Variants in FBN3 observed in about 807,000 individuals in gnomAD.
FBN3 encodes fibrillin-3.
FBN3 carries 234 observed loss-of-function variants against 330.1 expected under a neutral mutation model. That is an observed-to-expected ratio of 0.71 (90% CI 0.64 to 0.79). FBN3 has a LOEUF of 0.79. Among genes scored for constraint, FBN3 ranks in the 30% least tolerant of loss-of-function variants. The pLI is 0.00. For synonymous variants in FBN3, 1,458 were observed against 1,517.3 expected, an observed-to-expected ratio of 0.96 and a Z score of 0.91; for missense variants, 3,606 against 3,886.9, an observed-to-expected ratio of 0.93 and a Z score of 1.92.
In FBN3 at chr19:8,123,466, G is replaced by A. The variant is rs200917020; in HGVS notation, c.3080C>T (p.Thr1027Ile). ...FALDAQERNCTDIDECRISPD... is the reference protein window; with the variant it reads ...FALDAQERNCIDIDECRISPD... ...CAAGAGGCAGAGGTGGCACCTACCT[G>A]TGCAGTTCCGTTCCTGGGCATCCAG... Residue 1027 changes from threonine (T) to isoleucine (I), a missense_variant and splice_region_variant, in exon 24 of 64, where the codon ACA becomes ATA. Transcript: ENST00000600128. 2.5e-6 allele frequency: 4 copies of A among 1,613,596 alleles called. No homozygotes were observed. Among genetic ancestry groups the A allele is most frequent in the Middle Eastern group, 1.7e-4 (1 of 6,058 alleles).
rs1338479182 is a variant in FBN3 at position 8,126,196 on chromosome 19, G to T, written c.2605+101C>A. The stretch of plus-strand genomic sequence containing the variant: ...GAGAACGTCTGTCCCCATCGCAAAA[G>T]ACTCCAGGGCGGGGCCGGAGGTGGC... On this transcript the variant is annotated intron_variant, in intron 21 of 63. Coordinates refer to ENST00000600128, the MANE Select transcript of FBN3 (RefSeq NM_032447.5). 4 of 1,448,518 alleles carry T rather than the reference G, an allele frequency of 2.8e-6. No individual in the cohort carries two copies. In the East Asian group the frequency reaches 9.5e-5, roughly 34 times the overall value. The allele number at this position is 1,448,518 out of a possible 1,614,324, so 89.7% of individuals were successfully genotyped here.
At chr19:8,115,663 G>T in intron 29 of FBN3, 23 bp from the exon 30 acceptor site, 1 of 1,613,098 alleles carries the variant, frequency 6.2e-7, no homozygotes, top group Non-Finnish European at 8.5e-7. Flanking sequence ...AGAGCATGAG[G>T]TCTGAGGACT....
intron 59 of FBN3, among the ~76,000 whole-genome samples, chr19:8,079,806 T>C (rs2081733465): frequency 6.6e-6 from 1 of 152,112 alleles, no homozygotes; most frequent in African/African-American, 2.4e-5. Flanking sequence ...GCCAGGCTGG[T>C]CTCGAATTCC....
chr19:8,135,935 T>TTGGGGGGGGGGGGGGGGGCGG, intron 13 of FBN3, 26 bp downstream of exon 13: 18 of 1,344,154 alleles, frequency 1.3e-5, no homozygotes, highest in Non-Finnish European at 1.7e-5. Flanking sequence ...CGGAAGCCCC[T>TTGGGGGGGGGGGGGGGGGCGG]GCCCACCCGC....
rs1335047792 is a variant in FBN3, at chr19:8,111,070, G to A, written c.4198C>T (p.Arg1400Trp). The A allele has an allele frequency of 4.3e-6, 7 of 1,612,876 alleles. No individual in the cohort carries two copies. Among genetic ancestry groups the A allele is most frequent in the East Asian group, 2.2e-5 (1 of 44,880 alleles). Residue 1400 changes from arginine to tryptophan, a missense_variant, in exon 33 of 64, where the codon CGG becomes TGG. By Grantham distance (101) the Arg-to-Trp change is moderately radical. Transcript: ENST00000600128. ...EMGFDPTEDH[R>W]ACQDVDECAQ... is the part of the protein sequence containing the mutation. The stretch of plus-strand genomic sequence containing the variant: ...GGCCCAACCTTACCCTGGCAGGCCC[G>A]GTGGTCCTCGGTGGGGTCAAAGCCC...
intron 41 of FBN3, among the ~76,000 whole-genome samples, chr19:8,100,529 G>T (rs2082305065): frequency 6.6e-6 from 1 of 152,012 alleles, no homozygotes; most frequent in African/African-American, 2.4e-5. Context: ...GTAGAGACAC[G>T]GTTTCACCAT....
At chr19:8,107,504 A>ATGAATGGATGG (rs2082470441) in intron 37 of FBN3, among the ~76,000 whole-genome samples, 1 of 115,782 alleles carries the variant, frequency 8.6e-6, no homozygotes, top group Non-Finnish European at 1.9e-5. Context: ...TGGATGGATG[A>ATGAATGGATGG]ATGGATGGAA....
rs200658655 is a variant in FBN3 at position 8,136,104 on chromosome 19, G to A, written c.1466-18C>T. On this transcript the variant is annotated intron_variant, in intron 12 of 63. Coordinates refer to ENST00000600128, the MANE Select transcript of FBN3 (RefSeq NM_032447.5). ...GTCCACATCTGCGGGGAAGGCAGGC[G>A]GGCAGTCAAGAGGTGCTCCCCACCC... 2.0e-3 allele frequency: 3,307 copies of A among 1,613,228 alleles called. 49 individuals carry two copies. In the South Asian group the frequency reaches 0.024, roughly 12 times the overall value.
Position 8,065,755 on chromosome 19 carries a change from A to C in FBN3, c.*164T>G. 1.6e-6 allele frequency: 1 copy of C among 627,972 alleles called. No individual in the cohort carries two copies. Among genetic ancestry groups the C allele is most frequent in the Non-Finnish European group, 2.7e-6 (1 of 374,280 alleles). 38.9% of individuals were successfully genotyped at this position (627,972 alleles called of 1,614,324 possible). A position where few individuals can be genotyped will look rare whatever the true frequency, so the allele number is the denominator to read the frequency against. On this transcript the variant is annotated 3_prime_UTR_variant, in exon 64 of 64. Coordinates refer to ENST00000600128, the MANE Select transcript of FBN3 (RefSeq NM_032447.5). ...TGGGGGGCCCCCGGGGCTGGCACAG[A>C]GGCCCAGGCAGAGGCCGGGCTTGCC...
In FBN3 at chr19:8,111,129, T is replaced by C. The variant is rs765609354; in HGVS notation, c.4139A>G (p.Asn1380Ser). ...VDLCDNGQCL[N>S]APGGYRCECE... is the part of the protein sequence containing the mutation. ...TTCACAGCGGTACCCGCCGGGCGCA[T>C]TGAGGCACTGCCCGTTGTCACAGAG... Residue 1380 changes from asparagine (N) to serine (S), a missense_variant, in exon 33 of 64, where the codon AAT becomes AGT. Asn to Ser is a conservative substitution (Grantham distance 46, BLOSUM62 1). Transcript: ENST00000600128. 9 of 1,613,216 alleles carry C rather than the reference T, an allele frequency of 5.6e-6. No homozygotes were observed. Among genetic ancestry groups the C allele is most frequent in the Non-Finnish European group, 7.6e-6 (9 of 1,179,562 alleles).
At chr19:8,087,028 C>G in intron 54 of FBN3, 49 bp downstream of exon 54, 1 of 1,582,252 alleles carries the variant, frequency 6.3e-7, no homozygotes, top group Non-Finnish European at 8.5e-7. Context: ...TTTGACCTCT[C>G]CCTTCCACAA....
At chr19:8,107,418 T>C (rs1326165746) in intron 37 of FBN3, among the ~76,000 whole-genome samples, 1 of 144,476 alleles carries the variant, frequency 6.9e-6, no homozygotes, top group Non-Finnish European at 1.5e-5. Context: ...GGTGGAAGGA[T>C]GAATGGATGA....
rs1568366565 is a variant in FBN3, at chr19:8,083,391, C to CA, written c.7088-20dup. The CA allele has an allele frequency of 6.2e-7, 1 of 1,613,446 alleles. No individual in the cohort carries two copies. Among genetic ancestry groups the CA allele is most frequent in the South Asian group, 1.1e-5 (1 of 91,086 alleles). On this transcript the variant is annotated intron_variant, in intron 56 of 63. Coordinates refer to ENST00000600128, the MANE Select transcript of FBN3 (RefSeq NM_032447.5). ...TCTACATCTGGGAAAAAGTAGGGTGCAAATGGGGCTGGCTGGCTGCTTCGC... is the reference window on the plus strand; with the variant it reads ...TCTACATCTGGGAAAAAGTAGGGTGCAAAATGGGGCTGGCTGGCTGCTTCGC...
chr19:8,111,756 C>A lies in FBN3; in HGVS notation c.3976G>T (p.Val1326Phe), dbSNP rs12975322. The change falls in exon 32 of 64, where the codon GTC becomes TTC. Residue 1326 changes from valine to phenylalanine, a missense_variant. By Grantham distance (50) the Val-to-Phe change is conservative. Transcript: ENST00000600128. ...GFECHDLDECVSQEHRCSPRG... is the reference protein window; with the variant it reads ...GFECHDLDECFSQEHRCSPRG... ...GGGCTGCACCGGTGCTCCTGGGAGACGCATTCATCCAGGTCTGCAGGAGAT... is the reference window on the plus strand; with the variant it reads ...GGGCTGCACCGGTGCTCCTGGGAGAAGCATTCATCCAGGTCTGCAGGAGAT... 1 of 1,613,046 alleles carries A rather than the reference C, an allele frequency of 6.2e-7. No individual in the cohort carries two copies. The highest frequency in any genetic ancestry group is 8.5e-7 in the Non-Finnish European group (1 of 1,179,482).
In FBN3 at chr19:8,073,002, T is replaced by TGTGTGTGTGTGC. The variant is rs763385469; in HGVS notation, c.7937+60_7937+61insGCACACACACAC. ...GTGTGTGTGTGTGTGTGTGTGTGTG[T>TGTGTGTGTGTGC]GCGTGCGTGCATGGACGCTTGCGGG... On this transcript the variant is annotated intron_variant, in intron 62 of 63. Transcript: ENST00000600128. 21 of 930,910 alleles carry TGTGTGTGTGTGC rather than the reference T, an allele frequency of 2.3e-5. No individual in the cohort carries two copies. In the African/African-American group the frequency reaches 3.5e-4, roughly 15 times the overall value. The allele number at this position is 930,910 out of a possible 1,614,324, so 57.7% of individuals were successfully genotyped here. A position where few individuals can be genotyped will look rare whatever the true frequency, so the allele number is the denominator to read the frequency against.
chr19:8,145,773 C>T, intron 5 of FBN3, 70 bp downstream of exon 5: 4 of 1,211,850 alleles, frequency 3.3e-6, no homozygotes, highest in Non-Finnish European at 4.7e-6. Context: ...GGGCAGGTGG[C>T]AGCAGAGACT....
chr19:8,124,919 T>C (rs1385462842), intron 22 of FBN3, among the ~76,000 whole-genome samples: 7 of 152,170 alleles, frequency 4.6e-5, no homozygotes, highest in Non-Finnish European at 1.0e-4. Context: ...TCCAAACCCA[T>C]AGAATGTCCA....
intron 38 of FBN3, among the ~76,000 whole-genome samples, chr19:8,104,510 A>G (rs1416937746): frequency 6.6e-6 from 1 of 152,010 alleles, no homozygotes; most frequent in East Asian, 1.9e-4. Flanking sequence ...AAAGTTGATG[A>G]TGATACTGCT....
chr19:8,079,498 C>T (rs761261353), intron 59 of FBN3, among the ~76,000 whole-genome samples: 46 of 152,284 alleles, frequency 3.0e-4, no homozygotes, highest in Non-Finnish European at 6.0e-4. Flanking sequence ...TCCAAAACAA[C>T]CCTGTGGCCC....
Sources: gnomAD v4.1 joint callset for allele counts (sites outside exome capture counted in the v4.1 genomes callset) on GRCh38, gnomAD v4.1.1 for gene constraint, MANE v1.5 for transcripts, NCBI Gene and HGNC (gene_info 2026-07-23, HGNC 2026-07-21) for gene names.